The following TAFA1 variants were observed in gnomAD, a reference collection of about 807,000 sequenced individuals.
TAFA1 encodes the protein TAFA chemokine like family member 1.
TAFA1 carries 4 observed loss-of-function variants against 18.5 expected under a neutral mutation model. The observed-to-expected ratio is 0.22, with a 90% CI of 0.11 to 0.49. The LOEUF is 0.49. Among genes scored for constraint, TAFA1 ranks in the 20% least tolerant of loss-of-function variants. The pLI is 0.98. For synonymous variants in TAFA1, 56 were observed against 55.2 expected (o/e 1.01, Z -0.06); for missense variants, 147 against 169.0 (o/e 0.87, Z 0.72).
At chr3:67,996,189 T>G in the TAFA1 span, among the ~76,000 whole-genome samples, 1 of 152,174 alleles carries the variant, frequency 6.6e-6, no homozygotes, top group African/African-American at 2.4e-5. Flanking sequence ...AACAAATGAC[T>G]GCCCAAATGA....
At chr3:68,456,056 A>C (rs1453129843) in intron 3 of TAFA1, among the ~76,000 whole-genome samples, 1 of 152,186 alleles carries the variant, frequency 6.6e-6, no homozygotes, top group Non-Finnish European at 1.5e-5. Flanking sequence ...AGCATTGTCC[A>C]ATATTAGAAG....
At chr3:68,529,436 TAAAAAAAA>T (rs533214097) in intron 3 of TAFA1, among the ~76,000 whole-genome samples, 24,973 of 76,972 alleles carry the variant, frequency 0.32, 2,577 homozygotes, top group South Asian at 0.46. Context: ...CACCATTCTC[TAAAAAAAA>T]AAAAAAAAAA....
rs115727269 is a variant in TAFA1 at position 68,141,672 on chromosome 3, G to A, written c.118+134928G>A. ...CTTGACAGTGAAAGGATGTAGGCTT[G>A]GAGCTCCTCAGGGCCACTGCTTCAG... On this transcript the variant is annotated intron_variant, in intron 2 of 4. Coordinates refer to ENST00000478136, the MANE Select transcript of TAFA1 (RefSeq NM_213609.4). Among the ~76,000 whole-genome samples the A allele has an allele frequency of 5.6e-3, 857 of 152,276 alleles. 7 individuals are homozygous for A. The highest frequency in any genetic ancestry group is 0.02 in the African/African-American group (811 of 41,554).
intron 2 of TAFA1, among the ~76,000 whole-genome samples, chr3:68,278,675 C>T (rs2067839973): frequency 6.6e-6 from 1 of 152,134 alleles, no homozygotes; most frequent in Non-Finnish European, 1.5e-5. Flanking sequence ...TGTCCCCTTG[C>T]ACCTTTTCTT....
At chr3:68,306,745 A>G (rs895240846) in intron 2 of TAFA1, among the ~76,000 whole-genome samples, 2 of 152,106 alleles carry the variant, frequency 1.3e-5, no homozygotes, top group Non-Finnish European at 2.9e-5. Flanking sequence ...TGGGTAAGCC[A>G]CCTAGGTTGC....
chr3:68,030,499 G>A (rs1704909693), intron 2 of TAFA1, among the ~76,000 whole-genome samples: 1 of 152,076 alleles, frequency 6.6e-6, no homozygotes, highest in Non-Finnish European at 1.5e-5. Context: ...CCACTTATGA[G>A]TGAGAACATG....
chr3:68,085,040 A>G (rs2064954385), intron 2 of TAFA1, among the ~76,000 whole-genome samples: 1 of 152,202 alleles, frequency 6.6e-6, no homozygotes, highest in Non-Finnish European at 1.5e-5. Context: ...CACACTATAA[A>G]CATGTGTGTT....
intron 2 of TAFA1, among the ~76,000 whole-genome samples, chr3:68,269,469 A>G (rs2067618430): frequency 1.3e-5 from 2 of 152,160 alleles, no homozygotes; most frequent in Admixed American, 1.3e-4. Context: ...CCCAATTCTA[A>G]AAAATAAAAA....
intron 2 of TAFA1, among the ~76,000 whole-genome samples, chr3:68,156,586 C>T (rs2065869598): frequency 6.6e-6 from 1 of 151,976 alleles, no homozygotes; most frequent in South Asian, 2.1e-4. Context: ...ATCTGTTGGG[C>T]AATAAAATGA....
At chr3:68,043,624 T>C (rs769619123) in intron 2 of TAFA1, among the ~76,000 whole-genome samples, 34 of 152,204 alleles carry the variant, frequency 2.2e-4, no homozygotes, top group Non-Finnish European at 4.6e-4. Context: ...CTTTTGCCTT[T>C]TTTCCCTCTG....
chr3:68,316,331 T>C (rs1303259559), intron 2 of TAFA1, among the ~76,000 whole-genome samples: 1 of 152,208 alleles, frequency 6.6e-6, no homozygotes, highest in Non-Finnish European at 1.5e-5. Flanking sequence ...TTAGAATGGC[T>C]TGGAAAATTT....
At chr3:68,145,940 G>C (rs1175668385) in intron 2 of TAFA1, among the ~76,000 whole-genome samples, 1 of 152,076 alleles carries the variant, frequency 6.6e-6, no homozygotes, top group African/African-American at 2.4e-5. Flanking sequence ...CACAACCCGG[G>C]GGACATGGTC....
At position 68,191,360 on chromosome 3, in the gene TAFA1, T is replaced by C. The variant is rs2066337938; in HGVS notation, c.118+184616T>C. ...GCAGGACATGTAGGACTATTCAGCA[T>C]GGCGGTATTTATTAAGCCGGTTCAA... On this transcript the variant is annotated intron_variant, in intron 2 of 4. Transcript: ENST00000478136. Among the ~76,000 whole-genome samples the C allele has an allele frequency of 1.3e-5, 2 of 151,810 alleles. 1 individual carries two copies. The highest frequency in any genetic ancestry group is 1.3e-4 in the Admixed American group (2 of 15,190).
chr3:68,435,756 C>T (rs1189925775), intron 3 of TAFA1, among the ~76,000 whole-genome samples: 1 of 152,126 alleles, frequency 6.6e-6, no homozygotes, highest in Non-Finnish European at 1.5e-5. Context: ...GGTTTTGCAT[C>T]AAGGATCACT....
intron 3 of TAFA1, among the ~76,000 whole-genome samples, chr3:68,465,491 A>T (rs755849774): frequency 1.4e-4 from 21 of 152,226 alleles, no homozygotes; most frequent in Non-Finnish European, 2.6e-4. Context: ...GGTCCTGTCC[A>T]GTTCTTCATA....
intron 2 of TAFA1, among the ~76,000 whole-genome samples, chr3:68,272,481 GAAT>G (rs1485961289): frequency 1.3e-5 from 2 of 152,136 alleles, no homozygotes; most frequent in African/African-American, 2.4e-5. Context: ...GGTGATGGAT[GAAT>G]ATATGGTTAT....
At chr3:68,471,627 ACT>A (rs962758720) in intron 3 of TAFA1, among the ~76,000 whole-genome samples, 16 of 152,120 alleles carry the variant, frequency 1.1e-4, no homozygotes, top group African/African-American at 3.1e-4. Flanking sequence ...TGTTTCTATG[ACT>A]CTCTGCCTGC....
intron 2 of TAFA1, among the ~76,000 whole-genome samples, chr3:68,216,346 G>A (rs536202714): frequency 6.6e-6 from 1 of 152,046 alleles, no homozygotes; most frequent in Admixed American, 6.6e-5. Flanking sequence ...GGGAATCCCA[G>A]ATGAATGCAG....
intron 3 of TAFA1, among the ~76,000 whole-genome samples, chr3:68,452,905 C>T (rs1050121203): frequency 1.3e-5 from 2 of 152,100 alleles, no homozygotes; most frequent in African/African-American, 4.8e-5. Flanking sequence ...CTTTTTCAAT[C>T]GATTCTGAAT....
Sources: gnomAD v4.1 joint callset for allele counts (sites outside exome capture counted in the v4.1 genomes callset) on GRCh38, gnomAD v4.1.1 for gene constraint, MANE v1.5 for transcripts, NCBI Gene and HGNC (gene_info 2026-07-23, HGNC 2026-07-21) for gene names.